The following RNF213 variants were observed in gnomAD, a reference collection of about 807,000 sequenced individuals.
RNF213 encodes ring finger protein 213.
RNF213 carries 341 observed loss-of-function variants against 514.4 expected under a neutral mutation model. The ratio of observed to expected loss-of-function variants is 0.66; its 90% CI spans 0.61 to 0.73. The LOEUF is 0.73. RNF213 is among the 30% of genes least tolerant of loss of function. The probability of loss-of-function intolerance (pLI) is 0.00; values close to 1 mark genes in which losing one functional copy is unlikely to be tolerated. For synonymous variants in RNF213, 2,655 were observed against 2,658.2 expected (o/e 1.00, Z 0.04); for missense variants, 5,767 against 6,615.6 (o/e 0.87, Z 4.45).
rs372291378 is a variant in RNF213, at chr17:80,363,598, C to A, written c.11569-11C>A. The A allele has an allele frequency of 1.2e-6, 2 of 1,612,970 alleles. No individual in the cohort carries two copies. Among genetic ancestry groups the A allele is most frequent in the African/African-American group, 1.3e-5 (1 of 75,024 alleles). On this transcript the variant is annotated splice_polypyrimidine_tract_variant and intron_variant, in intron 40 of 67. Coordinates refer to ENST00000582970, the MANE Select transcript of RNF213 (RefSeq NM_001256071.3). ...CACCGCTCAGCCACGCCCTGCTGTC[C>A]GTCTCCCCAGACCCTGGACGCATTT...
Position 80,368,042 on chromosome 17 carries a change from G to A in RNF213, c.12054G>A (p.Leu4018=), listed in dbSNP as rs755017019. 5.0e-6 allele frequency: 8 copies of A among 1,614,272 alleles called. No individual in the cohort carries two copies. The highest frequency in any genetic ancestry group is 3.3e-4 in the Middle Eastern group (2 of 6,062). ...TGCCCTGCGACCACGTGCACTGCCT[G>A]CGCTGCCTCAGGGCCTGGTTTGCCT... is the stretch of plus-strand genomic sequence containing the variant. The part of the protein sequence containing the change: ...VCLPCDHVHC[L]RCLRAWFASE... The change falls in exon 44 of 68, where the codon CTG becomes CTA. Residue 4018 remains leucine, a synonymous_variant. Coordinates refer to ENST00000582970, the MANE Select transcript of RNF213 (RefSeq NM_001256071.3).
At chr17:80,330,105 G>A (rs112937465) in intron 20 of RNF213, among the ~76,000 whole-genome samples, 3,333 of 152,064 alleles carry the variant, frequency 0.022, 49 homozygotes, top group Non-Finnish European at 0.034. Context: ...GTCAGCTTTC[G>A]TATATATATT....
At position 80,296,200 on chromosome 17, in the gene RNF213, A is replaced by G. The variant is rs572893285; in HGVS notation, c.2012+387A>G. 3.3e-5 allele frequency among the ~76,000 whole-genome samples: 5 copies of G among 152,252 alleles called. No homozygotes were observed. In the South Asian group the frequency reaches 1.0e-3, roughly 32 times the overall value. On this transcript the variant is annotated intron_variant, in intron 10 of 67. Coordinates refer to ENST00000582970, the MANE Select transcript of RNF213 (RefSeq NM_001256071.3). ...ACACATGGCTAATTTTTGTATTTTT[A>G]GTAGAGAAGGGTTTTCACCATTTTG...
chr17:80,343,718 A>G lies in RNF213; in HGVS notation c.6184-139A>G, dbSNP rs1599066642. On this transcript the variant is annotated intron_variant, in intron 27 of 67. Coordinates refer to ENST00000582970, the MANE Select transcript of RNF213 (RefSeq NM_001256071.3). The surrounding 1 kb of genome is among the most constrained non-coding windows in gnomAD (Gnocchi z 4.3). ...ATTTTATGGGGCTGCCCTTGGAGAC[A>G]TGGGCCGTTGTTGGCTGAAATGTTG... 1.1e-6 allele frequency: 1 copy of G among 894,848 alleles called. No individual in the cohort carries two copies. Among genetic ancestry groups the G allele is most frequent in the South Asian group, 1.3e-5 (1 of 74,332 alleles). The allele number at this position is 894,848 out of a possible 1,614,324, so 55.4% of individuals were successfully genotyped here.
chr17:80,338,535 G>A (rs1464153160), intron 25 of RNF213, among the ~76,000 whole-genome samples: 1 of 151,942 alleles, frequency 6.6e-6, no homozygotes, highest in Non-Finnish European at 1.5e-5. Context: ...TGTAAAGCCA[G>A]CACTTTGGGA....
intron 67 of RNF213, 94 bp from the exon 68 acceptor site, chr17:80,393,251 G>C: frequency 3.8e-6 from 4 of 1,048,826 alleles, no homozygotes; most frequent in Non-Finnish European, 5.5e-6. Flanking sequence ...ACAGTGCTGG[G>C]CTTACACACG....
Position 80,374,500 on chromosome 17 carries a change from G to C in RNF213, c.12985G>C (p.Val4329Leu), listed in dbSNP as rs375798834. 5.6e-6 allele frequency: 9 copies of C among 1,614,110 alleles called. No individual in the cohort carries two copies. The African/African-American group carries it at 1.2e-4, about 22-fold the overall frequency. ...DHPGQMDRYL[V>L]YGDEYKALRD... The stretch of plus-strand genomic sequence containing the variant: ...CCCAGGCCAGATGGATAGGTACCTG[G>C]TGTACGGCGATGAATACAAGGCTCT... The change falls in exon 50 of 68, where the codon GTG (valine) becomes CTG (leucine). Residue 4329 changes from valine to leucine, a missense_variant. Physicochemically the swap from Val to Leu is conservative, Grantham distance 32. This residue lies in a region of RNF213 where 1,245 missense variants were observed against 1,339.0 expected (regional missense o/e 0.93). Coordinates refer to ENST00000582970, the MANE Select transcript of RNF213 (RefSeq NM_001256071.3).
chr17:80,350,526 C>T (rs558872131), intron 31 of RNF213, 130 bp downstream of exon 31: 23 of 682,406 alleles, frequency 3.4e-5, no homozygotes, highest in South Asian at 2.6e-4. Context: ...ATTCTTCCCC[C>T]GCCTCATTCC....
chr17:80,376,739 TTC>T lies in RNF213; in HGVS notation c.13429-141_13429-140del, dbSNP rs1217789420. ...CCCTTTGTTATTTCACAGGAAGCTG[TTC>T]TGTTTTCTTCACAGACAGCTTGAGA... is the stretch of plus-strand genomic sequence containing the variant. On this transcript the variant is annotated intron_variant, in intron 52 of 67. Coordinates refer to ENST00000582970, the MANE Select transcript of RNF213 (RefSeq NM_001256071.3). 23 of 1,094,650 alleles carry T rather than the reference TTC, an allele frequency of 2.1e-5. No individual in the cohort carries two copies. In the Admixed American group the frequency reaches 2.8e-4, roughly 13 times the overall value. 67.8% of individuals were successfully genotyped at this position (1,094,650 alleles called of 1,614,324 possible).
chr17:80,347,412 C>G lies in RNF213; in HGVS notation c.9077C>G (p.Ser3026Cys). Residue 3026 changes from serine (S) to cysteine (C), a missense_variant, in exon 29 of 68, where the codon TCT (serine) becomes TGT (cysteine). Physicochemically the swap from Ser to Cys is moderately radical, Grantham distance 112. Around this residue, in one of 13 missense-constraint regions of RNF213, gnomAD observed 919 missense variants for 1,121.0 expected, o/e 0.82. Coordinates refer to ENST00000582970, the MANE Select transcript of RNF213 (RefSeq NM_001256071.3). The surrounding 1 kb of genome is among the most constrained non-coding windows in gnomAD (Gnocchi z 7.2). ...ATCAAACAGAACATCTTTGGGCCTTCTCAGAAGGTGCCGGGTGGAGAGCAG... is the reference window on the plus strand; with the variant it reads ...ATCAAACAGAACATCTTTGGGCCTTGTCAGAAGGTGCCGGGTGGAGAGCAG... ...QLIKQNIFGP[S>C]QKVPGGEQED... The G allele has an allele frequency of 6.2e-7, 1 of 1,613,964 alleles. No individual in the cohort carries two copies. Among genetic ancestry groups the G allele is most frequent in the Non-Finnish European group, 8.5e-7 (1 of 1,180,044 alleles).
intron 17 of RNF213, among the ~76,000 whole-genome samples, chr17:80,322,110 T>C (rs2046155430): frequency 6.6e-6 from 1 of 151,826 alleles, no homozygotes; most frequent in African/African-American, 2.4e-5. Context: ...TGTATCTTCT[T>C]TGGAGAAATG....
At position 80,372,964 on chromosome 17, in the gene RNF213, T is replaced by C; in HGVS notation, c.12752-11T>C. 6.2e-7 allele frequency: 1 copy of C among 1,612,912 alleles called. No homozygotes were observed. Among genetic ancestry groups the C allele is most frequent in the South Asian group, 1.1e-5 (1 of 90,894 alleles). Reference sequence around the variant, plus strand: ...ACCAGCCACTCACCCGCTTTCTCGTTGGCCTCTCAGAGATGGCCAAGGAGA... The same window carrying C: ...ACCAGCCACTCACCCGCTTTCTCGTCGGCCTCTCAGAGATGGCCAAGGAGA... On this transcript the variant is annotated splice_polypyrimidine_tract_variant and intron_variant, in intron 48 of 67. Coordinates refer to ENST00000582970, the MANE Select transcript of RNF213 (RefSeq NM_001256071.3).
intron 42 of RNF213, among the ~76,000 whole-genome samples, chr17:80,367,514 G>GA (rs915371139): frequency 9.3e-4 from 142 of 152,288 alleles, no homozygotes; most frequent in Non-Finnish European, 3.2e-4. Context: ...GACCTTAAAA[G>GA]AAAAAGAAGA....
At chr17:80,362,977 C>A (rs2079110526) in intron 39 of RNF213, 125 bp from the exon 40 acceptor site, 3 of 929,630 alleles carry the variant, frequency 3.2e-6, no homozygotes, top group Non-Finnish European at 1.7e-6. Flanking sequence ...GCAAACGGGA[C>A]AGAATAGCAC....
rs754418052 is a variant in RNF213, at chr17:80,346,659, A to C, written c.8324A>C (p.Lys2775Thr). 1.2e-6 allele frequency: 2 copies of C among 1,611,784 alleles called. No homozygotes were observed. The highest frequency in any genetic ancestry group is 1.7e-6 in the Non-Finnish European group (2 of 1,180,036). ...CTGGTGGGGAAGCCCGGCAGCTCCA[A>C]GTCTCTCGCCAAGACCATCGTGGCA... ...LFLVGKPGSS[K>T]SLAKTIVADA... is the part of the protein sequence containing the mutation. Residue 2775 changes from lysine to threonine, a missense_variant, in exon 29 of 68, where the codon AAG (lysine) becomes ACG (threonine). Coordinates refer to ENST00000582970, the MANE Select transcript of RNF213 (RefSeq NM_001256071.3). This position sits in a 1 kb window ranked among gnomAD's most constrained non-coding sequence, Gnocchi z 8.1.
chr17:80,300,514 G>T (rs929285004), intron 11 of RNF213, among the ~76,000 whole-genome samples: 8 of 151,726 alleles, frequency 5.3e-5, no homozygotes, highest in Non-Finnish European at 1.5e-5. Context: ...AAAGTTCTAG[G>T]ATTGCAGGCA....
At position 80,385,554 on chromosome 17, in the gene RNF213, G is replaced by A. The variant is rs1433557175; in HGVS notation, c.14472G>A (p.Leu4824=). The change falls in exon 61 of 68, where the codon CTG becomes CTA. Residue 4824 remains leucine (L), a synonymous_variant. Coordinates refer to ENST00000582970, the MANE Select transcript of RNF213 (RefSeq NM_001256071.3). ...SKHSSDGLRQ[L]LHNRITVFLS... ...GTTCAACAGATGGGTTGAGGCAGCT[G>A]CTTCACAACAGGATCACAGTCTTTC... The A allele has an allele frequency of 6.2e-7, 1 of 1,614,184 alleles. No homozygotes were observed. The highest frequency in any genetic ancestry group is 1.7e-4 in the Middle Eastern group (1 of 6,056).
Position 80,388,678 on chromosome 17 carries a change from A to T in RNF213, c.14989A>T (p.Lys4997Ter). ...ACATCTCTTTATGGACATCAAGAAC[A>T]AAATGGCACAGGTGATCCCGATAAA... ...YEHLFMDIKN[K>*]MAQDSLPSSV... is the part of the protein sequence containing the mutation. Residue 4997 changes from lysine to a stop codon, truncating the protein, a stop_gained, in exon 64 of 68, where the codon AAA (lysine) becomes TAA (stop). Coordinates refer to ENST00000582970, the MANE Select transcript of RNF213 (RefSeq NM_001256071.3). LOFTEE classifies it high-confidence loss of function. 6.2e-7 allele frequency: 1 copy of T among 1,609,450 alleles called. No individual in the cohort carries two copies. Among genetic ancestry groups the T allele is most frequent in the Non-Finnish European group, 8.5e-7 (1 of 1,176,452 alleles).
At chr17:80,291,606 A>G in intron 7 of RNF213, 22 bp from the exon 8 acceptor site, 7 of 1,613,458 alleles carry the variant, frequency 4.3e-6, no homozygotes, top group South Asian at 2.2e-5. Context: ...TGGATAGCCA[A>G]CCGTATCCTG....
Sources: allele counts gnomAD v4.1 joint callset (sites outside exome capture counted in the v4.1 genomes callset), GRCh38; gene constraint gnomAD v4.1.1; regional missense constraint gnomAD v4.1.1; non-coding constraint Gnocchi (gnomAD v3.1); transcripts MANE v1.5; gene names NCBI Gene and HGNC (gene_info 2026-07-23, HGNC 2026-07-21).